PDE10A: variants seen among roughly 807,000 people sequenced by gnomAD.
PDE10A encodes the protein cAMP and cAMP-inhibited cGMP 3',5'-cyclic phosphodiesterase 10A.
Under a neutral mutation model 97.7 loss-of-function variants are expected in PDE10A, and 39 were observed. The observed-to-expected ratio is 0.40, with a 90% CI of 0.31 to 0.52. The LOEUF (loss-of-function observed/expected upper bound fraction) is 0.52, where lower values mean the gene tolerates loss of function less well. Ranked by LOEUF, PDE10A falls within the 20% of genes least tolerant of loss-of-function variation. The pLI is 0.56. For synonymous variants in PDE10A, 371 were observed against 376.8 expected (o/e 0.98, Z 0.18); for missense variants, 731 against 1,047.8 (o/e 0.70, Z 4.17).
intron 1 of PDE10A, among the ~76,000 whole-genome samples, chr6:165,952,241 G>A (rs1783987173): frequency 1.3e-5 from 2 of 152,250 alleles, no homozygotes; most frequent in South Asian, 4.1e-4. Flanking sequence ...CCGTGCCAGG[G>A]ATTTGATTCC....
chr6:165,509,159 A>G (rs956732625), intron 2 of PDE10A, among the ~76,000 whole-genome samples: 1 of 151,926 alleles, frequency 6.6e-6, no homozygotes, highest in Non-Finnish European at 1.5e-5. Flanking sequence ...ATTATTTTCA[A>G]TATTTATGAG....
intron 1 of PDE10A, among the ~76,000 whole-genome samples, chr6:165,970,447 C>A (rs1784633968): frequency 6.6e-6 from 1 of 151,768 alleles, no homozygotes; most frequent in African/African-American, 2.4e-5. Flanking sequence ...ATGGTTCAGA[C>A]AAAAAAATTT....
At position 165,331,147 on chromosome 6, in the gene PDE10A, A is replaced by T. The variant is rs1781316033; in HGVS notation, c.*1878T>A. The stretch of plus-strand genomic sequence containing the variant: ...GTATGTATCATATATACACATATGT[A>T]TACGTTTACATACATGAGTGTGTAT... On this transcript the variant is annotated 3_prime_UTR_variant, in exon 22 of 22. Transcript: ENST00000539869. 6.6e-6 allele frequency: 1 copy of T among 152,138 alleles called. No individual in the cohort carries two copies. The highest frequency in any genetic ancestry group is 6.5e-5 in the Admixed American group (1 of 15,276). 9.4% of individuals were successfully genotyped at this position (152,138 alleles called of 1,614,324 possible).
intron 1 of PDE10A, among the ~76,000 whole-genome samples, chr6:165,862,676 CTT>C (rs200141487): frequency 7.1e-6 from 1 of 140,804 alleles, no homozygotes. Flanking sequence ...AGCAGTCGTC[CTT>C]TTTTTTTTTT....
chr6:165,674,131 G>A (rs1790727483), intron 1 of PDE10A, among the ~76,000 whole-genome samples: 1 of 152,110 alleles, frequency 6.6e-6, no homozygotes. Context: ...TTCAAATCTT[G>A]CCTTTACCCC....
intron 5 of PDE10A, among the ~76,000 whole-genome samples, chr6:165,438,448 A>G (rs1489307740): frequency 1.3e-5 from 2 of 152,208 alleles, no homozygotes; most frequent in African/African-American, 4.8e-5. Flanking sequence ...TCAGCCTCCC[A>G]AAGTGCTGGG....
chr6:165,362,471 CA>C (rs1783484339), intron 18 of PDE10A, among the ~76,000 whole-genome samples: 2 of 151,978 alleles, frequency 1.3e-5, no homozygotes, highest in Non-Finnish European at 2.9e-5. Flanking sequence ...TGAAAATGGA[CA>C]AATTTCTAGA....
At chr6:165,397,516 C>T (rs1786261230) in intron 13 of PDE10A, among the ~76,000 whole-genome samples, 1 of 151,980 alleles carries the variant, frequency 6.6e-6, no homozygotes, top group Non-Finnish European at 1.5e-5. Context: ...TCAAGACCAG[C>T]CTGGCCAACA....
intron 13 of PDE10A, among the ~76,000 whole-genome samples, chr6:165,399,104 G>T (rs1170223731): frequency 6.6e-6 from 1 of 152,044 alleles, no homozygotes; most frequent in Non-Finnish European, 1.5e-5. Flanking sequence ...TAACAAAAGG[G>T]TCAGGTCATC....
chr6:165,468,668 A>T (rs914350791), intron 3 of PDE10A, among the ~76,000 whole-genome samples: 1 of 152,218 alleles, frequency 6.6e-6, no homozygotes, highest in South Asian at 2.1e-4. Flanking sequence ...TTTAAATCCT[A>T]TTGGGGGAGG....
intron 1 of PDE10A, among the ~76,000 whole-genome samples, chr6:165,764,963 C>T (rs147212971): frequency 0.1 from 15,831 of 151,836 alleles, 1,013 homozygotes; most frequent in South Asian, 0.19. Flanking sequence ...CTGAGCTAGA[C>T]ACAAAGGTTC....
chr6:165,870,884 G>T (rs1230803125), intron 1 of PDE10A, among the ~76,000 whole-genome samples: 1 of 152,140 alleles, frequency 6.6e-6, no homozygotes, highest in Non-Finnish European at 1.5e-5. Context: ...TCACTCATGT[G>T]GGAGCTAAAA....
chr6:165,475,968 C>T (rs1163593108), intron 3 of PDE10A, among the ~76,000 whole-genome samples: 1 of 152,086 alleles, frequency 6.6e-6, no homozygotes, highest in East Asian at 1.9e-4. Flanking sequence ...TCAGTCACTC[C>T]AGACTGAACT....
intron 1 of PDE10A, among the ~76,000 whole-genome samples, chr6:165,696,579 G>A (rs920701375): frequency 6.6e-6 from 1 of 152,120 alleles, no homozygotes; most frequent in African/African-American, 2.4e-5. Context: ...CAAGAAATGG[G>A]GGACTACTCT....
chr6:165,397,425 G>A (rs2128218713), intron 13 of PDE10A, among the ~76,000 whole-genome samples: 1 of 152,216 alleles, frequency 6.6e-6, no homozygotes, highest in Non-Finnish European at 1.5e-5. Context: ...AAATATAAAT[G>A]AAGGCTGGGC....
chr6:165,697,703 A>G (rs923072699), intron 1 of PDE10A, among the ~76,000 whole-genome samples: 4 of 152,186 alleles, frequency 2.6e-5, no homozygotes, highest in African/African-American at 9.6e-5. Context: ...GCTTTCAGGG[A>G]CTGGGTAGAT....
At chr6:165,687,173 G>T (rs1791145254) in intron 1 of PDE10A, among the ~76,000 whole-genome samples, 2 of 152,228 alleles carry the variant, frequency 1.3e-5, no homozygotes, top group South Asian at 4.1e-4. Flanking sequence ...GCTCTGGCAG[G>T]AAGGGCCCCT....
At chr6:165,539,758 TAA>T (rs11419681) in intron 2 of PDE10A, among the ~76,000 whole-genome samples, 1 of 146,180 alleles carries the variant, frequency 6.8e-6, no homozygotes, top group Non-Finnish European at 1.5e-5. Flanking sequence ...CTGTCTCTAA[TAA>T]AAAAAAAAAT....
At chr6:165,366,457 GAAT>G (rs373024218) in intron 18 of PDE10A, among the ~76,000 whole-genome samples, 152 of 152,158 alleles carry the variant, frequency 1.0e-3, no homozygotes, top group South Asian at 3.5e-3. Flanking sequence ...GGTAATCATA[GAAT>G]AATAATAATA....
Sources: gnomAD v4.1 joint callset for allele counts (sites outside exome capture counted in the v4.1 genomes callset) on GRCh38, gnomAD v4.1.1 for gene constraint, MANE v1.5 for transcripts, NCBI Gene and HGNC (gene_info 2026-07-23, HGNC 2026-07-21) for gene names.